TBC1D15: variants seen among roughly 807,000 people sequenced by gnomAD.
TBC1D15 encodes TBC1 domain family member 15, also known as GAP for RAB7.
Under a neutral mutation model 95.4 loss-of-function variants are expected in TBC1D15, and 39 were observed. The ratio of observed to expected loss-of-function variants is 0.41; its 90% CI spans 0.32 to 0.53. The LOEUF (loss-of-function observed/expected upper bound fraction) is 0.53, where lower values mean the gene tolerates loss of function less well. Among genes scored for constraint, TBC1D15 ranks in the 20% least tolerant of loss-of-function variants. The pLI, the probability that TBC1D15 is intolerant of heterozygous loss-of-function variation, is 0.29. For synonymous variants in TBC1D15, 258 were observed against 261.3 expected, an observed-to-expected ratio of 0.99 and a Z score of 0.12; for missense variants, 733 against 794.3, an observed-to-expected ratio of 0.92 and a Z score of 0.93.
At chr12:71,902,534 G>GT (rs1031560597) in intron 10 of TBC1D15, among the ~76,000 whole-genome samples, 2 of 152,128 alleles carry the variant, frequency 1.3e-5, no homozygotes, top group Non-Finnish European at 2.9e-5. Context: ...ATATGCAGAG[G>GT]TATTAAACTG....
intron 3 of TBC1D15, among the ~76,000 whole-genome samples, chr12:71,874,556 A>G (rs988469095): frequency 4.0e-5 from 6 of 151,812 alleles, no homozygotes; most frequent in African/African-American, 1.5e-4. Flanking sequence ...TGGAGGGCCA[A>G]CTGTATCTTC....
intron 1 of TBC1D15, among the ~76,000 whole-genome samples, chr12:71,862,009 C>A (rs1314967836): frequency 6.6e-6 from 1 of 151,928 alleles, no homozygotes; most frequent in Non-Finnish European, 1.5e-5. Context: ...TTTCTGATTT[C>A]TAGTTTTATT....
chr12:71,861,464 T>C, intron 1 of TBC1D15: 1 of 1,534,308 alleles, frequency 6.5e-7, no homozygotes, highest in Non-Finnish European at 8.8e-7. Flanking sequence ...ACTTTATCCA[T>C]ACTCCAGTTT....
intron 1 of TBC1D15, chr12:71,850,252 G>C (rs1427804753): frequency 1.9e-6 from 1 of 532,414 alleles, no homozygotes; most frequent in Non-Finnish European, 3.6e-6. Context: ...TTCAAAAGAA[G>C]TAACATTTCT....
rs1397703294 is a variant in TBC1D15 at position 71,923,012 on chromosome 12, T to C, written c.1833T>C (p.Leu611=). 3 of 1,614,256 alleles carry C rather than the reference T, an allele frequency of 1.9e-6. No homozygotes were observed. In the Admixed American group the frequency reaches 5.0e-5, roughly 27 times the overall value. ...TGCCACAAGCAGTCTGTGAGATCCT[T>C]GGGCTTCAAGGCAGTGAAGTTACAA... ...KELPQAVCEI[L]GLQGSEVTTP... is the part of the protein sequence containing the mutation. The change falls in exon 17 of 17, where the codon CTT becomes CTC. Residue 611 remains leucine, a synonymous_variant. Coordinates refer to ENST00000485960, the MANE Select transcript of TBC1D15 (RefSeq NM_001146213.3).
chr12:71,915,499 A>G (rs77448562), intron 12 of TBC1D15, among the ~76,000 whole-genome samples: 1 of 151,752 alleles, frequency 6.6e-6, no homozygotes, highest in Non-Finnish European at 1.5e-5. Flanking sequence ...ATTTAGTATC[A>G]TGCAATAAGT....
chr12:71,880,571 A>G lies in TBC1D15; in HGVS notation c.307A>G (p.Thr103Ala). ...CGAAGCAGAATGGGACATGGTTAAT[A>G]CAGTTTCATTTAAAAGGAAACCACA... ...SYEAEWDMVN[T>A]VSFKRKPHTN... Residue 103 changes from threonine (T) to alanine (A), a missense_variant, in exon 4 of 17, where the codon ACA becomes GCA. By Grantham distance (58) the Thr-to-Ala change is moderately conservative. Coordinates refer to ENST00000485960, the MANE Select transcript of TBC1D15 (RefSeq NM_001146213.3). 3 of 1,611,990 alleles carry G rather than the reference A, an allele frequency of 1.9e-6. No homozygotes were observed. In the Admixed American group the frequency reaches 5.0e-5, roughly 27 times the overall value.
At chr12:71,899,708 T>C (rs997863594) in intron 10 of TBC1D15, among the ~76,000 whole-genome samples, 2 of 152,174 alleles carry the variant, frequency 1.3e-5, no homozygotes, top group Non-Finnish European at 2.9e-5. Context: ...TTTACTGCTT[T>C]GTGGAAATTC....
At position 71,840,945 on chromosome 12, in the gene TBC1D15, G is replaced by GT. The variant is rs199655115; in HGVS notation, c.30+1135dup. 5.5e-3 allele frequency among the ~76,000 whole-genome samples: 842 copies of GT among 152,102 alleles called. 8 individuals are homozygous for GT. Among genetic ancestry groups the GT allele is most frequent in the African/African-American group, 0.019 (808 of 41,466 alleles). On this transcript the variant is annotated intron_variant, in intron 1 of 16. Coordinates refer to ENST00000485960, the MANE Select transcript of TBC1D15 (RefSeq NM_001146213.3). Reference sequence around the variant, plus strand: ...GAGGAGATGCCAATCATTATTTCTTGTATTGGAGTTGTTAGGGTTATATAA... The same window carrying GT: ...GAGGAGATGCCAATCATTATTTCTTGTTATTGGAGTTGTTAGGGTTATATAA...
chr12:71,856,502 T>C (rs1889111166), intron 1 of TBC1D15, among the ~76,000 whole-genome samples: 1 of 152,178 alleles, frequency 6.6e-6, no homozygotes, highest in Non-Finnish European at 1.5e-5. Context: ...CTTTTTCTTC[T>C]TTTAGCCTTC....
chr12:71,884,190 T>C (rs1895771103), intron 4 of TBC1D15, among the ~76,000 whole-genome samples: 1 of 152,158 alleles, frequency 6.6e-6, no homozygotes, highest in Admixed American at 6.5e-5. Context: ...ATCAGTATGC[T>C]TACTTCACTA....
intron 4 of TBC1D15, 92 bp downstream of exon 4, chr12:71,880,699 G>T: frequency 7.5e-7 from 1 of 1,338,416 alleles, no homozygotes; most frequent in Non-Finnish European, 9.9e-7. Flanking sequence ...GCTCCTCAGT[G>T]AGAAGGATGA....
chr12:71,887,505 C>A (rs1318066918), intron 5 of TBC1D15, among the ~76,000 whole-genome samples: 1 of 152,184 alleles, frequency 6.6e-6, no homozygotes, highest in Admixed American at 6.5e-5. Context: ...ATTGTCTTTT[C>A]CATTCTACTC....
At chr12:71,899,973 C>CAAAA (rs1566041287) in intron 10 of TBC1D15, among the ~76,000 whole-genome samples, 16 of 150,694 alleles carry the variant, frequency 1.1e-4, no homozygotes, top group African/African-American at 3.2e-4. Context: ...CAAAACAAAA[C>CAAAA]CAAAAAAAGT....
chr12:71,892,139 T>G (rs1350531271), intron 5 of TBC1D15, among the ~76,000 whole-genome samples: 1 of 152,090 alleles, frequency 6.6e-6, no homozygotes. Flanking sequence ...AGTAAATGTT[T>G]TAAAATGTAT....
intron 1 of TBC1D15, among the ~76,000 whole-genome samples, chr12:71,867,231 T>G (rs1407908823): frequency 6.6e-6 from 1 of 152,212 alleles, no homozygotes; most frequent in Non-Finnish European, 1.5e-5. Context: ...TTTAAGCCAT[T>G]TCAGGAACTG....
intron 5 of TBC1D15, among the ~76,000 whole-genome samples, chr12:71,886,561 C>T (rs1375496834): frequency 1.3e-5 from 2 of 152,226 alleles, no homozygotes; most frequent in Non-Finnish European, 2.9e-5. Context: ...ATTTAGATTA[C>T]ATAAGGCTAG....
At chr12:71,882,466 A>G (rs530906123) in intron 4 of TBC1D15, among the ~76,000 whole-genome samples, 24 of 152,282 alleles carry the variant, frequency 1.6e-4, no homozygotes, top group Admixed American at 1.4e-3. Context: ...TTCTTCTGCT[A>G]TTATATTTAG....
chr12:71,921,602 G>C (rs752037316), intron 16 of TBC1D15, 148 bp downstream of exon 16: 7 of 434,696 alleles, frequency 1.6e-5, no homozygotes, highest in Non-Finnish European at 2.5e-5. Context: ...TGCTGTTCTA[G>C]ATTTACAGCA....
Sources: allele counts gnomAD v4.1 joint callset (sites outside exome capture counted in the v4.1 genomes callset), GRCh38; gene constraint gnomAD v4.1.1; transcripts MANE v1.5; gene names NCBI Gene and HGNC (gene_info 2026-07-23, HGNC 2026-07-21).